The following HSPG2 variants were observed in gnomAD, a reference collection of about 807,000 sequenced individuals.
HSPG2 encodes the protein basement membrane-specific heparan sulfate proteoglycan core protein.
Under a neutral mutation model 526.6 loss-of-function variants are expected in HSPG2, and 278 were observed. The observed-to-expected ratio is 0.53, with a 90% CI of 0.48 to 0.58. The LOEUF (loss-of-function observed/expected upper bound fraction) is 0.58, where lower values mean the gene tolerates loss of function less well. Among genes scored for constraint, HSPG2 ranks in the 20% least tolerant of loss-of-function variants. The pLI, the probability that HSPG2 is intolerant of heterozygous loss-of-function variation, is 0.00. For synonymous variants in HSPG2, 2,465 were observed against 2,555.4 expected, an observed-to-expected ratio of 0.96 and a Z score of 1.07; for missense variants, 5,354 against 6,099.5, an observed-to-expected ratio of 0.88 and a Z score of 4.07.
chr1:21,870,192 C>A, intron 33 of HSPG2: 1 of 967,160 alleles, frequency 1.0e-6, no homozygotes. Context: ...TACAACCTGT[C>A]CTAGCCAGGT....
intron 13 of HSPG2, among the ~76,000 whole-genome samples, chr1:21,881,745 C>T (rs1442643207): frequency 6.6e-6 from 1 of 151,912 alleles, no homozygotes; most frequent in Non-Finnish European, 1.5e-5. Context: ...GAGTTCATGA[C>T]CAGCCTTCCC....
chr1:21,905,575 C>T (rs1168675114), intron 1 of HSPG2, among the ~76,000 whole-genome samples: 3 of 152,202 alleles, frequency 2.0e-5, no homozygotes, highest in Admixed American at 1.3e-4. Flanking sequence ...AACCCCATCT[C>T]TACTAAAAAT....
rs371327228 is a variant in HSPG2, at chr1:21,864,252, T to C, written c.4627-39A>G. The stretch of plus-strand genomic sequence containing the variant: ...GGAAGGTTGGCCTCTGTTCCCAACG[T>C]GCCCCACCCACAGCCAGCAGACCCA... On this transcript the variant is annotated intron_variant, in intron 36 of 96. Transcript: ENST00000374695. The surrounding 1 kb of genome is among the most constrained non-coding windows in gnomAD (Gnocchi z 4.8). 7 of 1,502,428 alleles carry C rather than the reference T, an allele frequency of 4.7e-6. No homozygotes were observed. The African/African-American group carries it at 9.7e-5, about 21-fold the overall frequency. 93.1% of individuals were successfully genotyped at this position (1,502,428 alleles called of 1,614,324 possible). A position where few individuals can be genotyped will look rare whatever the true frequency, so the allele number is the denominator to read the frequency against.
chr1:21,908,607 T>G (rs1412760992), intron 1 of HSPG2: 71 of 644,368 alleles, frequency 1.1e-4, no homozygotes, highest in East Asian at 1.1e-3. Flanking sequence ...AAAAAAGACC[T>G]CTGGGCTGTT....
At chr1:21,867,006 G>C (rs1455730716) in intron 33 of HSPG2, among the ~76,000 whole-genome samples, 1 of 151,612 alleles carries the variant, frequency 6.6e-6, no homozygotes, top group East Asian at 1.9e-4. Flanking sequence ...TTCTGGGACT[G>C]ACTTTCTGGC....
In HSPG2 at chr1:21,872,040, C is replaced by T. The variant is rs1640689970; in HGVS notation, c.4221+146G>A. On this transcript the variant is annotated intron_variant, in intron 33 of 96. Transcript: ENST00000374695. This position sits in a 1 kb window ranked among gnomAD's most constrained non-coding sequence, Gnocchi z 5.5. ...GCTGGCAAGCGGCAGAGCTGGGGTT[C>T]AGACCAATGTCTATGGGACTGCAAA... is the stretch of plus-strand genomic sequence containing the variant. 2 of 791,482 alleles carry T rather than the reference C, an allele frequency of 2.5e-6. No individual in the cohort carries two copies. The highest frequency in any genetic ancestry group is 4.2e-6 in the Non-Finnish European group (2 of 474,272). The allele number at this position is 791,482 out of a possible 1,614,324, so 49.0% of individuals were successfully genotyped here. A position where few individuals can be genotyped will look rare whatever the true frequency, so the allele number is the denominator to read the frequency against.
Position 21,858,661 on chromosome 1 carries a change from A to C in HSPG2, c.5293+905T>G, listed in dbSNP as rs991765418. 5.3e-5 allele frequency among the ~76,000 whole-genome samples: 8 copies of C among 152,238 alleles called. No individual in the cohort carries two copies. The highest frequency in any genetic ancestry group is 1.0e-4 in the Non-Finnish European group (7 of 68,048). ...TTGTAGCCTGTGCTGCTGGTGGCCT[A>C]GCCACGCTTCCCACCCCCCGTGCCC... On this transcript the variant is annotated intron_variant, in intron 42 of 96. Transcript: ENST00000374695. This position sits in a 1 kb window ranked among gnomAD's most constrained non-coding sequence, Gnocchi z 4.2.
At chr1:21,936,152 G>T (rs1644483809) in intron 1 of HSPG2, among the ~76,000 whole-genome samples, 1 of 152,048 alleles carries the variant, frequency 6.6e-6, no homozygotes, top group Non-Finnish European at 1.5e-5. Flanking sequence ...CCCACGGTAG[G>T]CTCGGCTCCC....
Position 21,822,388 on chromosome 1 carries a change from G to A in HSPG2, c.*928C>T. The A allele has an allele frequency of 1.5e-6, 1 of 659,596 alleles. No homozygotes were observed. The highest frequency in any genetic ancestry group is 2.7e-6 in the Non-Finnish European group (1 of 370,754). The allele number at this position is 659,596 out of a possible 1,614,324, so 40.9% of individuals were successfully genotyped here. On this transcript the variant is annotated 3_prime_UTR_variant, in exon 97 of 97. Transcript: ENST00000374695. ...ACTTGAGCTGGATCTTCAGGCTCCT[G>A]CAGATGGGGCAGGGTGGTCATATCC...
Position 21,881,478 on chromosome 1 carries a change from T to C in HSPG2, c.1679A>G (p.Gln560Arg). The change falls in exon 14 of 97, where the codon CAG becomes CGG. Residue 560 changes from glutamine (Q) to arginine (R), a missense_variant. By Grantham distance (43) the Gln-to-Arg change is conservative. Coordinates refer to ENST00000374695, the MANE Select transcript of HSPG2 (RefSeq NM_005529.7). ...GGAGGAGAGGGGTGGCGTGCCGGGC[T>C]GCGCAGGCATTGTCACATTCACACC... ...FKGVNVTMPA[Q>R]PGTPPLSSTQ... 1 of 1,612,562 alleles carries C rather than the reference T, an allele frequency of 6.2e-7. No individual in the cohort carries two copies. Among genetic ancestry groups the C allele is most frequent in the East Asian group, 2.2e-5 (1 of 44,880 alleles).
At chr1:21,924,464 C>T (rs1644130628) in intron 1 of HSPG2, among the ~76,000 whole-genome samples, 1 of 152,118 alleles carries the variant, frequency 6.6e-6, no homozygotes. Context: ...CACCCTCAGG[C>T]CCCAGAGAAT....
rs372275695 is a variant in HSPG2, at chr1:21,831,018, G to A, written c.11635C>T (p.Arg3879Cys). Residue 3879 changes from arginine (R) to cysteine (C), a missense_variant, in exon 85 of 97, where the codon CGC (arginine) becomes TGC (cysteine). By Grantham distance (180) the Arg-to-Cys change is radical (BLOSUM62 -3). Transcript: ENST00000374695. ...CVCPAGFTGS[R>C]CEHSQALHCH... Reference sequence around the variant, plus strand: ...TGCAGGGCCTGCGAGTGCTCACAGCGGCTCCCGGTGAAGCCAGCTGGGCAG... The same window carrying A: ...TGCAGGGCCTGCGAGTGCTCACAGCAGCTCCCGGTGAAGCCAGCTGGGCAG... The A allele has an allele frequency of 7.5e-6, 12 of 1,590,156 alleles. No individual in the cohort carries two copies. The highest frequency in any genetic ancestry group is 5.4e-5 in the African/African-American group (4 of 74,748).
intron 91 of HSPG2, among the ~76,000 whole-genome samples, chr1:21,825,923 C>A (rs532187616): frequency 6.6e-5 from 10 of 151,818 alleles, no homozygotes; most frequent in Middle Eastern, 3.4e-3. Context: ...GTAGCTGGGA[C>A]TACAGGTGTG....
Position 21,843,581 on chromosome 1 carries a change from TG to T in HSPG2, c.8617-144del, listed in dbSNP as rs146465978. ...GCGACCCCTTTGACAGTCCGCATTG[TG>T]GAGGGCATGTTTATTATGATGGTTT... is the stretch of plus-strand genomic sequence containing the variant. On this transcript the variant is annotated intron_variant, in intron 65 of 96. Coordinates refer to ENST00000374695, the MANE Select transcript of HSPG2 (RefSeq NM_005529.7). The T allele has an allele frequency of 0.026, 20,428 of 785,100 alleles. 617 individuals are homozygous for T. The highest frequency in any genetic ancestry group is 0.13 in the African/African-American group (7,499 of 57,390). 48.6% of individuals were successfully genotyped at this position (785,100 alleles called of 1,614,324 possible).
At chr1:21,827,810 C>T (rs1320039942) in intron 91 of HSPG2, 53 bp downstream of exon 91, 16 of 1,533,840 alleles carry the variant, frequency 1.0e-5, no homozygotes, top group Middle Eastern at 2.1e-4. Flanking sequence ...TGTGGGGTAA[C>T]TGGAAGAGTG....
chr1:21,931,160 T>G (rs1644336534), intron 1 of HSPG2, among the ~76,000 whole-genome samples: 1 of 152,190 alleles, frequency 6.6e-6, no homozygotes, highest in Admixed American at 6.5e-5. Flanking sequence ...AGCCACCTTG[T>G]TCTCAGGGCT....
Position 21,822,291 on chromosome 1 carries a change from A to T in HSPG2, c.*1025T>A, listed in dbSNP as rs2097953707. The T allele has an allele frequency of 1.6e-5, 23 of 1,481,466 alleles. 1 individual carries two copies. The South Asian group carries it at 1.8e-4, about 12-fold the overall frequency. The allele number at this position is 1,481,466 out of a possible 1,614,324, so 91.8% of individuals were successfully genotyped here. ...TAAGAAAAATCAAGACAAAGACCAC[A>T]GGAGGGTCCCTTCTAGGACACAGAG... On this transcript the variant is annotated 3_prime_UTR_variant, in exon 97 of 97. Coordinates refer to ENST00000374695, the MANE Select transcript of HSPG2 (RefSeq NM_005529.7).
chr1:21,874,063 C>T (rs749424589), intron 28 of HSPG2, 52 bp from the exon 29 acceptor site: 1 of 1,455,124 alleles, frequency 6.9e-7, no homozygotes, highest in Non-Finnish European at 9.4e-7. Context: ...CCTTCCTCTC[C>T]CCCGATCCTC....
At chr1:21,829,222 G>A (rs574076389) in intron 87 of HSPG2, 143 bp from the exon 88 acceptor site, 1,343 of 1,390,056 alleles carry the variant, frequency 9.7e-4, no homozygotes, top group Non-Finnish European at 1.2e-3. Flanking sequence ...CTCAGAGAGG[G>A]CTAGGGATTG....
Sources: gnomAD v4.1 joint callset for allele counts (sites outside exome capture counted in the v4.1 genomes callset) on GRCh38, gnomAD v4.1.1 for gene constraint, Gnocchi (gnomAD v3.1) non-coding constraint, MANE v1.5 for transcripts, NCBI Gene and HGNC (gene_info 2026-07-23, HGNC 2026-07-21) for gene names.